Variants in MSH6 observed in about 807,000 individuals in gnomAD.
MSH6 encodes mutS homolog 6.
In MSH6, 85 loss-of-function variants were observed where a neutral mutation model predicts 119.1. The observed-to-expected ratio is 0.71, with a 90% CI of 0.60 to 0.85. MSH6 has a LOEUF of 0.85. Ranked by LOEUF, MSH6 falls within the 40% of genes least tolerant of loss-of-function variation. The pLI, the probability that MSH6 is intolerant of heterozygous loss-of-function variation, is 0.00. For synonymous variants in MSH6, 830 were observed against 586.9 expected (o/e 1.41, Z -5.99); for missense variants, 2,163 against 1,655.3 (o/e 1.31, Z -5.32).
At chr2:47,795,859 C>T (rs1306278167) in intron 2 of MSH6, 35 bp from the exon 3 acceptor site, 14 of 1,598,072 alleles carry the variant, frequency 8.8e-6, no homozygotes, top group Admixed American at 1.7e-5. Flanking sequence ...CCTCTGCACC[C>T]GGCCCTTATT....
rs772123097 is a variant in MSH6, at chr2:47,799,396, T to A, written c.1413T>A (p.Asp471Glu). The A allele has an allele frequency of 1.2e-6, 2 of 1,614,130 alleles. No homozygotes were observed. Among genetic ancestry groups the A allele is most frequent in the African/African-American group, 1.3e-5 (1 of 75,046 alleles). Reference protein sequence around the residue: ...FPEIAFGRYSDSLVQKGYKVA... With the variant: ...FPEIAFGRYSESLVQKGYKVA... ...AAATTGCATTTGGCCGTTATTCAGA[T>A]TCCCTGGTGCAGAAGGGCTATAAAG... Residue 471 changes from aspartate (D) to glutamate (E), a missense_variant, in exon 4 of 10, where the codon GAT becomes GAA. Physicochemically the swap from Asp to Glu is conservative, Grantham distance 45. Transcript: ENST00000234420.
Position 47,801,302 on chromosome 2 carries a change from C to G in MSH6, c.3172+147C>G. 9.1e-6 allele frequency: 6 copies of G among 661,960 alleles called. No homozygotes were observed. In the South Asian group the frequency reaches 9.9e-5, roughly 11 times the overall value. 41.0% of individuals were successfully genotyped at this position (661,960 alleles called of 1,614,324 possible). A position where few individuals can be genotyped will look rare whatever the true frequency, so the allele number is the denominator to read the frequency against. On this transcript the variant is annotated intron_variant, in intron 4 of 9. Coordinates refer to ENST00000234420, the MANE Select transcript of MSH6 (RefSeq NM_000179.3). ...ATTTGCATCCTGACTAGGCTGCCCA[C>G]AGCAATTTAAGTTACTTGAAACTCG...
In MSH6 at chr2:47,799,900, G is replaced by A. The variant is rs368059229; in HGVS notation, c.1917G>A (p.Glu639=). Residue 639 remains glutamate, a synonymous_variant, in exon 4 of 10, where the codon GAG becomes GAA. Coordinates refer to ENST00000234420, the MANE Select transcript of MSH6 (RefSeq NM_000179.3). ...DASKTLRTLL[E]EEYFREKLSD... ...CCAAAACTTTGAGAACTCTCCTTGAGGAAGAATATTTTAGGGAAAAGCTAA... is the reference window on the plus strand; with the variant it reads ...CCAAAACTTTGAGAACTCTCCTTGAAGAAGAATATTTTAGGGAAAAGCTAA... 3.0e-5 allele frequency: 48 copies of A among 1,614,062 alleles called. No homozygotes were observed. The East Asian group carries it at 8.9e-4, about 30-fold the overall frequency.
rs1057520440 is a variant in MSH6 at position 47,800,863 on chromosome 2, C to T, written c.2880C>T (p.Asn960=). The change falls in exon 4 of 10, where the codon AAC becomes AAT. Residue 960 remains asparagine, a synonymous_variant. Coordinates refer to ENST00000234420, the MANE Select transcript of MSH6 (RefSeq NM_000179.3). ...TGGAATACCTAGAGAAACAGCGCAA[C>T]AGAATTGGCTGTAGGACCATAGTCT... The part of the protein sequence containing the change: ...SLLEYLEKQR[N]RIGCRTIVYW... 1.2e-6 allele frequency: 2 copies of T among 1,613,844 alleles called. No homozygotes were observed. Among genetic ancestry groups the T allele is most frequent in the Non-Finnish European group, 1.7e-6 (2 of 1,179,920 alleles).
chr2:47,784,360 C>A, intron 1 of MSH6: 1 of 579,312 alleles, frequency 1.7e-6, no homozygotes, highest in Non-Finnish European at 2.2e-6. Context: ...CACCACTGGG[C>A]TTTTAGAGGC....
At chr2:47,803,377 C>A (rs1329942578) in intron 4 of MSH6, 43 bp from the exon 5 acceptor site, 2 of 1,613,840 alleles carry the variant, frequency 1.2e-6, no homozygotes, top group Non-Finnish European at 1.7e-6. Context: ...GCTGATAAAA[C>A]CCCCAAACGA....
chr2:47,807,491 G>GTGTT (rs1477681285), downstream of MSH6: 2 of 207,268 alleles, frequency 9.6e-6, no homozygotes, highest in African/African-American at 4.6e-5. Flanking sequence ...TTTAAGATTA[G>GTGTT]TGTTTTCTCT....
chr2:47,791,175 T>TGA lies in MSH6; in HGVS notation c.457+57_457+58dup, dbSNP rs374618432. On this transcript the variant is annotated intron_variant, in intron 2 of 9. Coordinates refer to ENST00000234420, the MANE Select transcript of MSH6 (RefSeq NM_000179.3). ...GTGTTTGTGTGTGTGTGTGTGTGTG[T>TGA]GAGAGAAACAGACAGACAGGCAGAC... is the stretch of plus-strand genomic sequence containing the variant. 1,874 of 1,365,830 alleles carry TGA rather than the reference T, an allele frequency of 1.4e-3. 4 individuals are homozygous for TGA. Among genetic ancestry groups the TGA allele is most frequent in the African/African-American group, 8.2e-3 (565 of 69,054 alleles). 84.6% of individuals were successfully genotyped at this position (1,365,830 alleles called of 1,614,324 possible). A position where few individuals can be genotyped will look rare whatever the true frequency, so the allele number is the denominator to read the frequency against.
In MSH6 at chr2:47,805,618, G is replaced by A. The variant is rs587781690; in HGVS notation, c.3557G>A (p.Gly1186Asp). The A allele has an allele frequency of 1.6e-5, 26 of 1,599,736 alleles. No homozygotes were observed. Among genetic ancestry groups the A allele is most frequent in the Non-Finnish European group, 2.2e-5 (26 of 1,168,950 alleles). Reference protein sequence around the residue: ...RLGASDRIMSGESTFFVELSE... With the variant: ...RLGASDRIMSDESTFFVELSE... ...CATTTGTGATTTTTTTTTTTTTAAG[G>A]TGAAAGTACATTTTTTGTTGAATTA... The change falls in exon 7 of 10, where the codon GGT becomes GAT. Residue 1186 changes from glycine (G) to aspartate (D), a missense_variant and splice_region_variant. Physicochemically the swap from Gly to Asp is moderately conservative, Grantham distance 94 (BLOSUM62 -1). Coordinates refer to ENST00000234420, the MANE Select transcript of MSH6 (RefSeq NM_000179.3).
At chr2:47,792,177 C>T (rs969713557) in intron 2 of MSH6, among the ~76,000 whole-genome samples, 2 of 151,928 alleles carry the variant, frequency 1.3e-5, no homozygotes, top group African/African-American at 4.8e-5. Flanking sequence ...TTAGTAGAGA[C>T]GGGGTTTCAC....
intron 4 of MSH6, among the ~76,000 whole-genome samples, chr2:47,801,628 C>T (rs1304295193): frequency 6.6e-6 from 1 of 151,584 alleles, no homozygotes; most frequent in Non-Finnish European, 1.5e-5. Flanking sequence ...CTCGGCTTCC[C>T]AAAGTGCTGA....
chr2:47,791,177 A>G (rs1192410946), intron 2 of MSH6, 54 bp downstream of exon 2: 1 of 1,444,278 alleles, frequency 6.9e-7, no homozygotes, highest in South Asian at 1.2e-5. Flanking sequence ...TGTGTGTGTG[A>G]GAGAAACAGA....
chr2:47,789,345 A>G, intron 1 of MSH6: 1 of 411,070 alleles, frequency 2.4e-6, no homozygotes, highest in Non-Finnish European at 4.9e-6. Context: ...TGTTTCTAAT[A>G]TTTTATTTCA....
At chr2:47,809,510 G>A (rs961970568), downstream of MSH6, 11 of 922,750 alleles carry the variant, frequency 1.2e-5, 1 homozygote, top group South Asian at 1.7e-4. Context: ...AACTTGGAGA[G>A]TGACATAAGG....
intron 5 of MSH6, 129 bp from the exon 6 acceptor site, chr2:47,804,781 C>T: frequency 2.6e-6 from 2 of 770,344 alleles, no homozygotes; most frequent in African/African-American, 1.7e-5. Flanking sequence ...CAGAACAGAA[C>T]CAACGTACAT....
At chr2:47,783,571 A>T in intron 1 of MSH6, 78 bp downstream of exon 1, 95 of 1,025,124 alleles carry the variant, frequency 9.3e-5, no homozygotes, top group East Asian at 1.1e-4. Flanking sequence ...AGGCTCGCAC[A>T]GGGGGTTGGG....
At chr2:47,791,152 G>T (rs749657328) in intron 2 of MSH6, 29 bp downstream of exon 2, 18 of 1,569,392 alleles carry the variant, frequency 1.1e-5, no homozygotes, top group Non-Finnish European at 1.6e-5. Flanking sequence ...ATGTGTGTGT[G>T]TTTGTGTGTG....
chr2:47,809,609 T>C, downstream of MSH6: 1 of 1,611,026 alleles, frequency 6.2e-7, no homozygotes, highest in Non-Finnish European at 8.5e-7. Context: ...CCTTTCATTG[T>C]CACATTAACA....
intron 5 of MSH6, among the ~76,000 whole-genome samples, 174 bp from the exon 6 acceptor site, chr2:47,804,736 T>C (rs1159241866): frequency 1.3e-5 from 2 of 152,206 alleles, no homozygotes; most frequent in African/African-American, 2.4e-5. Flanking sequence ...TTGTCTCTCT[T>C]AGCCTCAACT....
Sources: allele counts gnomAD v4.1 joint callset (sites outside exome capture counted in the v4.1 genomes callset), GRCh38; gene constraint gnomAD v4.1.1; transcripts MANE v1.5; gene names NCBI Gene and HGNC (gene_info 2026-07-23, HGNC 2026-07-21).